The following SLC25A53 variants were observed in gnomAD, a reference collection of about 807,000 sequenced individuals.
SLC25A53 encodes the protein solute carrier family 25 member 53.
Under a neutral mutation model 15.0 loss-of-function variants are expected in SLC25A53, and 5 were observed. The ratio of observed to expected loss-of-function variants is 0.33; its 90% CI spans 0.17 to 0.70. The LOEUF (loss-of-function observed/expected upper bound fraction) is 0.70, where lower values mean the gene tolerates loss of function less well. SLC25A53 is among the 30% of genes least tolerant of loss of function. The pLI is 0.67. For synonymous variants in SLC25A53, 95 were observed against 100.0 expected (o/e 0.95, Z 0.30); for missense variants, 216 against 241.6 (o/e 0.89, Z 0.70).
At chrX:104,128,675 G>C (rs782198804) in intron 1 of SLC25A53, among the ~76,000 whole-genome samples, 4 of 111,284 alleles carry the variant, frequency 3.6e-5, no homozygotes, top group African/African-American at 6.5e-5. Flanking sequence ...ATGTTAGAGA[G>C]ACATAATGAA....
chrX:104,138,742 T>A (rs2075443362), intron 1 of SLC25A53, among the ~76,000 whole-genome samples: 1 of 112,110 alleles, frequency 8.9e-6, no homozygotes, highest in African/African-American at 3.2e-5. Flanking sequence ...GGTTTTCCTC[T>A]GGAGTCAGGC....
chrX:104,118,488 C>CATG (rs1349466545), intron 1 of SLC25A53, among the ~76,000 whole-genome samples: 1 of 112,993 alleles, frequency 8.9e-6, no homozygotes, highest in African/African-American at 3.2e-5. Flanking sequence ...TTATTCCAAG[C>CATG]TTATTACATG....
At chrX:104,152,410 T>C in intron 1 of SLC25A53, among the ~76,000 whole-genome samples, 1 of 109,567 alleles carries the variant, frequency 9.1e-6, no homozygotes, top group Non-Finnish European at 1.9e-5. Flanking sequence ...CATGAACTCA[T>C]CATTTTTTAT....
chrX:104,156,055 C>CAAAA (rs11323988), intron 1 of SLC25A53, among the ~76,000 whole-genome samples: 3 of 33,976 alleles, frequency 8.8e-5, no homozygotes, highest in Admixed American at 3.9e-4. Context: ...GACTCCTTAT[C>CAAAA]AAAAAAAAAA....
At chrX:104,120,142 T>C (rs782345976) in intron 1 of SLC25A53, among the ~76,000 whole-genome samples, 3 of 112,096 alleles carry the variant, frequency 2.7e-5, no homozygotes, top group Non-Finnish European at 3.8e-5. Context: ...TTGGACTGTT[T>C]CCAGTTGGGG....
At chrX:104,124,059 A>C (rs2075403040) in intron 1 of SLC25A53, among the ~76,000 whole-genome samples, 1 of 111,618 alleles carries the variant, frequency 9.0e-6, no homozygotes, top group Non-Finnish European at 1.9e-5. Context: ...ATGATGTATA[A>C]TCCTTTGGGT....
At chrX:104,107,409 A>C (rs2075317230) in intron 1 of SLC25A53, among the ~76,000 whole-genome samples, 1 of 110,914 alleles carries the variant, frequency 9.0e-6, no homozygotes, top group African/African-American at 3.3e-5. Context: ...AGGAGTAAAA[A>C]CTCAAGAGGC....
Position 104,105,000 on chromosome X carries a change from G to A in SLC25A53, c.258C>T (p.Leu86=). 8.3e-7 allele frequency: 1 copy of A among 1,211,887 alleles called. No homozygotes were observed. Among genetic ancestry groups the A allele is most frequent in the Non-Finnish European group, 1.1e-6 (1 of 895,562 alleles). The change falls in exon 2 of 2, where the codon CTC becomes CTT. Residue 86 remains leucine, a synonymous_variant. Transcript: ENST00000594199. The part of the protein sequence containing the change: ...YFYRGIYPPL[L]SKTLQGTLLF... ...GAAGAGTCCCTTGCAACGTCTTGGA[G>A]AGAAGAGGAGGGTAGATTCCCCGGT...
rs1227816054 is a variant in SLC25A53, at chrX:104,104,340, A to G, written c.918T>C (p.Thr306=). Residue 306 remains threonine (T), a synonymous_variant, in exon 2 of 2, where the codon ACT becomes ACC. Coordinates refer to ENST00000594199, the MANE Select transcript of SLC25A53 (RefSeq NM_001012755.5). Reference sequence around the variant, plus strand: ...CATGCCACACTTTCTGCAGCTAGTCAGTCTTCAGCTCTTTCCTGGAGTGCG... The same window carrying G: ...CATGCCACACTTTCTGCAGCTAGTCGGTCTTCAGCTCTTTCCTGGAGTGCG... ...RKSHSRKELK[T]D is the part of the protein sequence containing the mutation. The G allele has an allele frequency of 3.3e-6, 4 of 1,204,692 alleles. No homozygotes were observed. The East Asian group carries it at 1.2e-4, about 36-fold the overall frequency.
Position 104,105,166 on chromosome X carries a change from T to C in SLC25A53, c.92A>G (p.Tyr31Cys). Reference sequence around the variant, plus strand: ...AAAGTTGGAAACGGCCCCAAGGGCATAGGCCTGGGAATGCCAGCTTTTCTT... The same window carrying C: ...AAAGTTGGAAACGGCCCCAAGGGCACAGGCCTGGGAATGCCAGCTTTTCTT... ...PGKKSWHSQA[Y>C]ALGAVSNFMS... is the part of the protein sequence containing the mutation. The change falls in exon 2 of 2, where the codon TAT becomes TGT. Residue 31 changes from tyrosine to cysteine, a missense_variant. Physicochemically the swap from Tyr to Cys is radical, Grantham distance 194. Coordinates refer to ENST00000594199, the MANE Select transcript of SLC25A53 (RefSeq NM_001012755.5). 1 of 1,212,206 alleles carries C rather than the reference T, an allele frequency of 8.2e-7. No individual in the cohort carries two copies. The highest frequency in any genetic ancestry group is 1.1e-6 in the Non-Finnish European group (1 of 895,595).
Position 104,104,894 on chromosome X carries a change from G to A in SLC25A53, c.364C>T (p.Leu122Phe), listed in dbSNP as rs782097792. The A allele has an allele frequency of 1.2e-5, 15 of 1,211,848 alleles. No homozygotes were observed. Among genetic ancestry groups the A allele is most frequent in the Non-Finnish European group, 1.7e-5 (15 of 895,577 alleles). ...HTLGHRWAAGLMSGVVEAVAL... is the reference protein window; with the variant it reads ...HTLGHRWAAGFMSGVVEAVAL... ...ACGGCCTCCACCACGCCAGACATGA[G>A]CCCGGCAGCCCAGCGGTGTCCCAGG... The change falls in exon 2 of 2, where the codon CTC (leucine) becomes TTC (phenylalanine). Residue 122 changes from leucine (L) to phenylalanine (F), a missense_variant. Leu to Phe is a conservative substitution (Grantham distance 22). Coordinates refer to ENST00000594199, the MANE Select transcript of SLC25A53 (RefSeq NM_001012755.5).
At chrX:104,122,276 A>G (rs782518566) in intron 1 of SLC25A53, among the ~76,000 whole-genome samples, 1 of 101,603 alleles carries the variant, frequency 9.8e-6, no homozygotes, top group African/African-American at 3.6e-5. Context: ...TTTTTTGTAC[A>G]TATTTAGATG....
chrX:104,156,700 G>T (rs2075502463), intron 1 of SLC25A53, among the ~76,000 whole-genome samples, 178 bp downstream of exon 1: 1 of 109,468 alleles, frequency 9.1e-6, no homozygotes, highest in Non-Finnish European at 1.9e-5. Context: ...CAGTTGACAC[G>T]CCCCTTAATC....
In SLC25A53 at chrX:104,137,011, T is replaced by A. The variant is rs189933186; in HGVS notation, c.-32+19867A>T. Among the ~76,000 whole-genome samples, 30 of 111,592 alleles carry A rather than the reference T, an allele frequency of 2.7e-4. No homozygotes were observed. In the East Asian group the frequency reaches 8.4e-3, roughly 31 times the overall value. Reference sequence around the variant, plus strand: ...TATTTAATATTTGTTGAGCACTGAATACTGTATCTGTATTATCCCATTTAA... The same window carrying A: ...TATTTAATATTTGTTGAGCACTGAAAACTGTATCTGTATTATCCCATTTAA... On this transcript the variant is annotated intron_variant, in intron 1 of 1. Transcript: ENST00000594199.
intron 1 of SLC25A53, among the ~76,000 whole-genome samples, chrX:104,153,059 AC>A (rs2075489932): frequency 9.1e-6 from 1 of 110,484 alleles, no homozygotes; most frequent in Non-Finnish European, 1.9e-5. Flanking sequence ...GTTTAGGGCC[AC>A]CCCCTAAAGG....
intron 1 of SLC25A53, among the ~76,000 whole-genome samples, chrX:104,122,295 CT>C (rs1220318845): frequency 1.1e-5 from 1 of 90,736 alleles, no homozygotes; most frequent in Non-Finnish European, 2.1e-5. Flanking sequence ...TGTCTGATTT[CT>C]TTTTTTTGTT....
Position 104,104,911 on chromosome X carries a change from T to C in SLC25A53, c.347A>G (p.His116Arg), listed in dbSNP as rs782113511. The stretch of plus-strand genomic sequence containing the variant: ...AGACATGAGCCCGGCAGCCCAGCGG[T>C]GTCCCAGGGTGTGTGGCCCAACAGG... ...LSPVGPHTLG[H>R]RWAAGLMSGV... Residue 116 changes from histidine (H) to arginine (R), a missense_variant, in exon 2 of 2, where the codon CAC becomes CGC. By Grantham distance (29) the His-to-Arg change is conservative. Transcript: ENST00000594199. The C allele has an allele frequency of 9.1e-6, 11 of 1,209,663 alleles. No homozygotes were observed. Among genetic ancestry groups the C allele is most frequent in the Admixed American group, 8.7e-5 (4 of 45,728 alleles).
chrX:104,111,518 T>G (rs1556358732), intron 1 of SLC25A53, among the ~76,000 whole-genome samples: 2 of 110,891 alleles, frequency 1.8e-5, no homozygotes, highest in Admixed American at 1.9e-4. Context: ...AAAAAAAGAT[T>G]AATAAAAAAA....
rs1219639241 is a variant in SLC25A53 at position 104,144,104 on chromosome X, T to G, written c.-32+12774A>C. On this transcript the variant is annotated intron_variant, in intron 1 of 1. Coordinates refer to ENST00000594199, the MANE Select transcript of SLC25A53 (RefSeq NM_001012755.5). Reference sequence around the variant, plus strand: ...TTACAAGAGCTCCTGAAGGAACCACTAAACATGGAAAGGAACAACCGGTAC... The same window carrying G: ...TTACAAGAGCTCCTGAAGGAACCACGAAACATGGAAAGGAACAACCGGTAC... 1.9e-4 allele frequency among the ~76,000 whole-genome samples: 21 copies of G among 111,553 alleles called. No homozygotes were observed. In the Admixed American group the frequency reaches 2.0e-3, roughly 11 times the overall value.
Sources: allele counts gnomAD v4.1 joint callset (sites outside exome capture counted in the v4.1 genomes callset), GRCh38; gene constraint gnomAD v4.1.1; transcripts MANE v1.5; gene names NCBI Gene and HGNC (gene_info 2026-07-23, HGNC 2026-07-21).